RHBDD1: variants seen among roughly 807,000 people sequenced by gnomAD.
RHBDD1 encodes rhomboid domain containing 1, also known as rhomboid-related protein 4.
Under a neutral mutation model 36.3 loss-of-function variants are expected in RHBDD1, and 38 were observed. That is an observed-to-expected ratio of 1.05 (90% CI 0.81 to 1.37). The LOEUF is 1.37. RHBDD1 is among the 40% of genes most tolerant of loss of function. RHBDD1 has a pLI of 0.00. For synonymous variants in RHBDD1, 151 were observed against 136.5 expected (o/e 1.11, Z -0.74); for missense variants, 393 against 377.6 (o/e 1.04, Z -0.34).
intron 5 of RHBDD1, among the ~76,000 whole-genome samples, chr2:226,875,931 T>A (rs186417128): frequency 1.3e-5 from 2 of 152,354 alleles, no homozygotes. Flanking sequence ...ATGTGAAGGA[T>A]TCTGAAAACA....
At chr2:226,990,294 A>G (rs1281355998) in intron 8 of RHBDD1, among the ~76,000 whole-genome samples, 1 of 152,200 alleles carries the variant, frequency 6.6e-6, no homozygotes, top group Non-Finnish European at 1.5e-5. Flanking sequence ...ATGCTAATAA[A>G]GTAACATTCT....
chr2:226,835,626 G>C (rs1440465025), upstream of RHBDD1: 1 of 152,322 alleles, frequency 6.6e-6, no homozygotes, highest in Non-Finnish European at 1.5e-5. Flanking sequence ...GAAGGACGAA[G>C]CTTCCCGGCA....
intron 8 of RHBDD1, among the ~76,000 whole-genome samples, chr2:226,987,094 G>A (rs181870151): frequency 2.6e-4 from 39 of 152,250 alleles, no homozygotes; most frequent in African/African-American, 7.5e-4. Flanking sequence ...ACCAAACACC[G>A]CATGTTCTCG....
intron 5 of RHBDD1, among the ~76,000 whole-genome samples, chr2:226,887,533 A>G (rs974561109): frequency 6.6e-6 from 1 of 152,250 alleles, no homozygotes; most frequent in African/African-American, 2.4e-5. Flanking sequence ...CTCTCAACAG[A>G]GGGTCACATT....
chr2:226,922,273 T>C (rs1220659732), intron 8 of RHBDD1, among the ~76,000 whole-genome samples: 4 of 147,438 alleles, frequency 2.7e-5, no homozygotes, highest in African/African-American at 1.0e-4. Context: ...AGTGGTGTGA[T>C]CTCGGCTCAC....
At chr2:226,812,640 T>G in the RHBDD1 span, among the ~76,000 whole-genome samples, 5 of 149,850 alleles carry the variant, frequency 3.3e-5, no homozygotes, top group Non-Finnish European at 6.0e-5. Flanking sequence ...ATGTTCTCTC[T>G]CTCTCTCTTT....
At chr2:226,896,906 G>A (rs1163221085) in intron 5 of RHBDD1, among the ~76,000 whole-genome samples, 1 of 152,072 alleles carries the variant, frequency 6.6e-6, no homozygotes, top group East Asian at 1.9e-4. Flanking sequence ...GGGTTCAAGT[G>A]ATTCTCCTGC....
At chr2:226,868,007 G>T (rs1057148247) in intron 5 of RHBDD1, among the ~76,000 whole-genome samples, 2 of 152,136 alleles carry the variant, frequency 1.3e-5, no homozygotes, top group African/African-American at 2.4e-5. Flanking sequence ...ATGAGCCACC[G>T]CACCCGGCCG....
At chr2:226,914,182 C>T (rs1457440989) in intron 7 of RHBDD1, 26 bp from the exon 8 acceptor site, 2 of 1,611,486 alleles carry the variant, frequency 1.2e-6, no homozygotes, top group African/African-American at 2.7e-5. Context: ...TAGCTGTGTT[C>T]TAGAACCTTT....
At chr2:226,864,457 A>C in intron 3 of RHBDD1, 147 bp from the exon 4 acceptor site, 3 of 509,992 alleles carry the variant, frequency 5.9e-6, no homozygotes, top group Non-Finnish European at 1.0e-5. Context: ...AGCATCCTCG[A>C]TATTACTCTT....
At chr2:226,851,534 A>C (rs1942811128) in intron 3 of RHBDD1, among the ~76,000 whole-genome samples, 1 of 152,008 alleles carries the variant, frequency 6.6e-6, no homozygotes, top group Non-Finnish European at 1.5e-5. Context: ...CCTCTCTGGG[A>C]AATAGTCCCT....
intron 5 of RHBDD1, 150 bp downstream of exon 5, chr2:226,867,468 CAG>C: frequency 8.3e-7 from 1 of 1,210,880 alleles, no homozygotes; most frequent in Admixed American, 2.7e-5. Context: ...GTTTTAATGT[CAG>C]ATATTTCTGG....
At chr2:226,877,228 GT>G (rs1559222577) in intron 5 of RHBDD1, among the ~76,000 whole-genome samples, 1 of 152,186 alleles carries the variant, frequency 6.6e-6, no homozygotes, top group African/African-American at 2.4e-5. Flanking sequence ...CTGTCTTGAA[GT>G]TTGAATAGAT....
chr2:226,840,788 A>G (rs938050910), intron 3 of RHBDD1, among the ~76,000 whole-genome samples: 2 of 152,156 alleles, frequency 1.3e-5, no homozygotes, highest in African/African-American at 4.8e-5. Flanking sequence ...ATAAATATAA[A>G]TGTTACTTAC....
chr2:226,849,348 G>A (rs1001932732), intron 3 of RHBDD1, among the ~76,000 whole-genome samples: 6 of 152,242 alleles, frequency 3.9e-5, no homozygotes, highest in East Asian at 1.9e-4. Flanking sequence ...CCGGTGGAGC[G>A]AGCATATGTG....
intron 8 of RHBDD1, among the ~76,000 whole-genome samples, chr2:226,942,108 A>G (rs1029312525): frequency 6.6e-6 from 1 of 152,172 alleles, no homozygotes; most frequent in Non-Finnish European, 1.5e-5. Flanking sequence ...CTAGGCTGCT[A>G]CTGAATTGTC....
At chr2:226,844,461 C>T (rs1942008230) in intron 3 of RHBDD1, among the ~76,000 whole-genome samples, 1 of 152,200 alleles carries the variant, frequency 6.6e-6, no homozygotes, top group Non-Finnish European at 1.5e-5. Context: ...TGAAGCATGG[C>T]ATGCTTTTCC....
the RHBDD1 span, among the ~76,000 whole-genome samples, chr2:226,802,499 A>G: frequency 6.6e-6 from 1 of 152,358 alleles, no homozygotes; most frequent in East Asian, 1.9e-4. Context: ...GGTTCATGTA[A>G]TATATAGAAT....
At chr2:226,924,590 A>C (rs1949547649) in intron 8 of RHBDD1, among the ~76,000 whole-genome samples, 1 of 152,168 alleles carries the variant, frequency 6.6e-6, no homozygotes. Context: ...GAGCTTACCC[A>C]AGAATTGCAG....
Sources: gnomAD v4.1 joint callset for allele counts (sites outside exome capture counted in the v4.1 genomes callset) on GRCh38, gnomAD v4.1.1 for gene constraint, MANE v1.5 for transcripts, NCBI Gene and HGNC (gene_info 2026-07-23, HGNC 2026-07-21) for gene names.